Variants in CDK14 observed in about 807,000 individuals in gnomAD.
The protein encoded by CDK14 is cyclin dependent kinase 14.
Under a neutral mutation model 60.7 loss-of-function variants are expected in CDK14, and 34 were observed. That is an observed-to-expected ratio of 0.56 (90% CI 0.43 to 0.75). The LOEUF is 0.75. Ranked by LOEUF, CDK14 falls within the 30% of genes least tolerant of loss-of-function variation. CDK14 has a pLI of 0.00. For synonymous variants in CDK14, 197 were observed against 203.7 expected (o/e 0.97, Z 0.28); for missense variants, 482 against 564.1 (o/e 0.85, Z 1.47).
intron 2 of CDK14, among the ~76,000 whole-genome samples, chr7:90,638,944 T>A (rs1362326709): frequency 6.6e-6 from 1 of 152,158 alleles, no homozygotes; most frequent in Non-Finnish European, 1.5e-5. Context: ...GCTTCTGCAT[T>A]CTTCACGTAG....
At chr7:90,600,413 T>C (rs1363316486) in intron 1 of CDK14, among the ~76,000 whole-genome samples, 1 of 152,260 alleles carries the variant, frequency 6.6e-6, no homozygotes, top group Non-Finnish European at 1.5e-5. Context: ...CATTTTTTCA[T>C]ATTCATTTGA....
At chr7:90,692,452 A>G (rs183778417) in intron 2 of CDK14, among the ~76,000 whole-genome samples, 66 of 152,328 alleles carry the variant, frequency 4.3e-4, no homozygotes, top group African/African-American at 1.5e-3. Flanking sequence ...CTGGAAAATC[A>G]GTCTTGTAGG....
chr7:90,990,360 G>A (rs373279673), intron 10 of CDK14, among the ~76,000 whole-genome samples: 52 of 152,180 alleles, frequency 3.4e-4, no homozygotes, highest in East Asian at 1.3e-3. Context: ...AACAACACCT[G>A]TTAGGGTGAA....
At chr7:90,730,396 G>A (rs1235771331) in intron 3 of CDK14, among the ~76,000 whole-genome samples, 1 of 152,158 alleles carries the variant, frequency 6.6e-6, no homozygotes, top group Non-Finnish European at 1.5e-5. Flanking sequence ...GGGTCAAATG[G>A]TGTTTCTAGT....
At chr7:90,939,421 T>C (rs1472044279) in intron 8 of CDK14, among the ~76,000 whole-genome samples, 2 of 152,220 alleles carry the variant, frequency 1.3e-5, no homozygotes, top group Non-Finnish European at 2.9e-5. Flanking sequence ...TGAACACTCT[T>C]GGTCCTAAAA....
At chr7:90,692,112 CAT>C (rs771447252) in intron 2 of CDK14, among the ~76,000 whole-genome samples, 37 of 152,184 alleles carry the variant, frequency 2.4e-4, no homozygotes, top group Non-Finnish European at 3.8e-4. Context: ...CTGCGAAATA[CAT>C]ATGTTTTGCA....
chr7:90,838,582 ATAAT>A (rs1307726093), intron 5 of CDK14, among the ~76,000 whole-genome samples: 2 of 152,168 alleles, frequency 1.3e-5, no homozygotes, highest in African/African-American at 2.4e-5. Context: ...AGGAATATTA[ATAAT>A]TAATACCCTG....
At chr7:90,706,595 A>C (rs1801901631) in intron 2 of CDK14, among the ~76,000 whole-genome samples, 1 of 152,184 alleles carries the variant, frequency 6.6e-6, no homozygotes, top group African/African-American at 2.4e-5. Context: ...GGGAGGAGCA[A>C]CAGCAGAGGA....
chr7:90,840,781 A>G (rs1562794150), intron 5 of CDK14, among the ~76,000 whole-genome samples: 1 of 152,202 alleles, frequency 6.6e-6, no homozygotes, highest in Non-Finnish European at 1.5e-5. Flanking sequence ...CCTTTACAAT[A>G]GAAGGTGATA....
intron 4 of CDK14, among the ~76,000 whole-genome samples, chr7:90,774,131 T>C (rs1804918085): frequency 6.6e-6 from 1 of 152,086 alleles, no homozygotes; most frequent in South Asian, 2.1e-4. Context: ...CACGAACTCC[T>C]GACCTCAAGT....
intron 10 of CDK14, among the ~76,000 whole-genome samples, chr7:91,002,783 A>G (rs889278113): frequency 2.6e-5 from 4 of 152,170 alleles, no homozygotes; most frequent in African/African-American, 9.7e-5. Flanking sequence ...TAATAAGAAT[A>G]TCAGATGTGG....
chr7:90,668,494 C>T (rs1225048577), intron 2 of CDK14, among the ~76,000 whole-genome samples: 4 of 151,986 alleles, frequency 2.6e-5, no homozygotes. Context: ...CTTTGAAGTA[C>T]AAAAGTGTTA....
intron 6 of CDK14, among the ~76,000 whole-genome samples, chr7:90,865,427 A>G (rs1791145903): frequency 6.6e-6 from 1 of 152,184 alleles, no homozygotes; most frequent in Non-Finnish European, 1.5e-5. Context: ...ATATTTGGAT[A>G]TCTCAAGAAA....
At chr7:90,749,193 C>T (rs534505772) in intron 4 of CDK14, among the ~76,000 whole-genome samples, 2 of 152,292 alleles carry the variant, frequency 1.3e-5, no homozygotes, top group East Asian at 1.9e-4. Flanking sequence ...CTTCATTCCA[C>T]ACCCGGGCAG....
intron 2 of CDK14, among the ~76,000 whole-genome samples, chr7:90,693,564 A>G (rs1397268100): frequency 1.3e-5 from 2 of 152,208 alleles, no homozygotes; most frequent in African/African-American, 4.8e-5. Flanking sequence ...TCAGGTAAGT[A>G]GAGCGGGAGA....
intron 6 of CDK14, among the ~76,000 whole-genome samples, chr7:90,894,409 A>G (rs753780920): frequency 3.2e-4 from 49 of 152,200 alleles, no homozygotes; most frequent in Non-Finnish European, 5.4e-4. Flanking sequence ...ATGTGTGCGC[A>G]TACACATAGT....
chr7:91,185,261 C>G (rs1382157935), intron 14 of CDK14, among the ~76,000 whole-genome samples: 2 of 136,360 alleles, frequency 1.5e-5, no homozygotes, highest in Non-Finnish European at 3.3e-5. Flanking sequence ...TTTCTCTATC[C>G]AATTCTACTA....
intron 8 of CDK14, among the ~76,000 whole-genome samples, chr7:90,945,205 A>T (rs1448686290): frequency 6.6e-6 from 1 of 152,210 alleles, no homozygotes; most frequent in Non-Finnish European, 1.5e-5. Flanking sequence ...GTTTAATCAG[A>T]TGGTGTTTTA....
chr7:90,722,770 T>C (rs1182848884), intron 2 of CDK14, among the ~76,000 whole-genome samples: 1 of 152,176 alleles, frequency 6.6e-6, no homozygotes, highest in African/African-American at 2.4e-5. Flanking sequence ...AATGAGAGAC[T>C]ACCTGACTCA....
Sources: gnomAD v4.1 joint callset for allele counts (sites outside exome capture counted in the v4.1 genomes callset) on GRCh38, gnomAD v4.1.1 for gene constraint, MANE v1.5 for transcripts, NCBI Gene and HGNC (gene_info 2026-07-23, HGNC 2026-07-21) for gene names.